AGFG1: variants seen among roughly 807,000 people sequenced by gnomAD.
AGFG1 encodes arf-GAP domain and FG repeat-containing protein 1.
Under a neutral mutation model 60.6 loss-of-function variants are expected in AGFG1, and 10 were observed. The observed-to-expected ratio is 0.16, with a 90% CI of 0.10 to 0.28. The LOEUF (loss-of-function observed/expected upper bound fraction) is 0.28. AGFG1 is among the 10% of genes least tolerant of loss of function. The pLI, the probability that AGFG1 is intolerant of heterozygous loss-of-function variation, is 1.00. For missense variants in AGFG1, 537 were observed against 676.5 expected, an observed-to-expected ratio of 0.79 and a Z score of 2.29; for synonymous variants, 247 against 242.9, an observed-to-expected ratio of 1.02 and a Z score of -0.16.
At chr2:227,546,051 G>A (rs1232877093) in intron 10 of AGFG1, among the ~76,000 whole-genome samples, 1 of 152,246 alleles carries the variant, frequency 6.6e-6, no homozygotes, top group Non-Finnish European at 1.5e-5. Flanking sequence ...GTCTCCAGAA[G>A]TTTCTGCTGC....
At chr2:227,542,611 T>G (rs1057317908) in intron 10 of AGFG1, among the ~76,000 whole-genome samples, 1 of 152,256 alleles carries the variant, frequency 6.6e-6, no homozygotes, top group African/African-American at 2.4e-5. Context: ...GATATTGGTC[T>G]AAAATTCTCT....
intron 1 of AGFG1, among the ~76,000 whole-genome samples, chr2:227,480,978 GTCTT>G (rs1170557632): frequency 6.6e-6 from 1 of 151,884 alleles, no homozygotes; most frequent in Non-Finnish European, 1.5e-5. Flanking sequence ...TTATTACTGA[GTCTT>G]TCTGACCCAC....
At chr2:227,473,944 C>T (rs530985416) in intron 1 of AGFG1, among the ~76,000 whole-genome samples, 30 of 152,276 alleles carry the variant, frequency 2.0e-4, no homozygotes, top group African/African-American at 6.7e-4. Flanking sequence ...TTGGTTCTTA[C>T]AGTCCAGTGG....
In AGFG1 at chr2:227,557,903, A is replaced by G. The variant is rs1693021094; in HGVS notation, c.*3408A>G. 1 of 152,238 alleles carries G rather than the reference A, an allele frequency of 6.6e-6. No homozygotes were observed. The highest frequency in any genetic ancestry group is 2.4e-5 in the African/African-American group (1 of 41,466). The allele number at this position is 152,238 out of a possible 1,614,324, so 9.4% of individuals were successfully genotyped here. On this transcript the variant is annotated 3_prime_UTR_variant, in exon 13 of 13. Transcript: ENST00000310078. ...TGACTTTTCACAGCCTTTCAAAGAA[A>G]GGGTTGTAGGGACCATTAAGGGTCT...
chr2:227,544,207 T>C (rs2106235239), intron 10 of AGFG1, among the ~76,000 whole-genome samples: 1 of 134,838 alleles, frequency 7.4e-6, no homozygotes, highest in East Asian at 2.3e-4. Flanking sequence ...CAGCCTGGAG[T>C]GCAGTGGCGC....
chr2:227,475,465 T>C (rs1690253904), intron 1 of AGFG1, among the ~76,000 whole-genome samples: 1 of 152,192 alleles, frequency 6.6e-6, no homozygotes, highest in Admixed American at 6.5e-5. Context: ...CCATCAAATG[T>C]CTACTGCAGA....
At chr2:227,523,377 T>C (rs1056384886) in intron 3 of AGFG1, among the ~76,000 whole-genome samples, 1 of 152,208 alleles carries the variant, frequency 6.6e-6, no homozygotes, top group Non-Finnish European at 1.5e-5. Flanking sequence ...ACCTCATCTT[T>C]CTTCAAATGT....
chr2:227,523,619 T>A, intron 3 of AGFG1, 144 bp from the exon 4 acceptor site: 1 of 730,170 alleles, frequency 1.4e-6, no homozygotes, highest in Non-Finnish European at 2.1e-6. Context: ...TTTTAAAAAA[T>A]ATGCAAAGTT....
Position 227,472,596 on chromosome 2 carries a change from C to T in AGFG1, c.167+8C>T. On this transcript the variant is annotated splice_region_variant and intron_variant, in intron 1 of 12. Transcript: ENST00000310078. ...CTCCTGCTCCGGCAGCCTGTGAGTG[C>T]GGGGCGGCCGGGCGGGTGTCGGGCC... is the stretch of plus-strand genomic sequence containing the variant. 2 of 1,548,376 alleles carry T rather than the reference C, an allele frequency of 1.3e-6. No homozygotes were observed. Among genetic ancestry groups the T allele is most frequent in the Non-Finnish European group, 1.7e-6 (2 of 1,144,966 alleles).
At chr2:227,539,548 G>C (rs993915225) in intron 10 of AGFG1, among the ~76,000 whole-genome samples, 3 of 151,742 alleles carry the variant, frequency 2.0e-5, no homozygotes, top group Non-Finnish European at 4.4e-5. Flanking sequence ...TGAAGCCCAG[G>C]AGTTTTGAGA....
chr2:227,472,590 T>C lies in AGFG1; in HGVS notation c.167+2T>C, dbSNP rs1690125360. The C allele has an allele frequency of 7.0e-6, 11 of 1,568,592 alleles. No individual in the cohort carries two copies. Among genetic ancestry groups the C allele is most frequent in the Non-Finnish European group, 9.5e-6 (11 of 1,157,226 alleles). ...GTGTACCTCCTGCTCCGGCAGCCTG[T>C]GAGTGCGGGGCGGCCGGGCGGGTGT... is the stretch of plus-strand genomic sequence containing the variant. On this transcript the variant is annotated splice_donor_variant, in intron 1 of 12. Transcript: ENST00000310078. LOFTEE classifies it high-confidence loss of function.
chr2:227,535,905 G>A (rs900325071), intron 8 of AGFG1, among the ~76,000 whole-genome samples: 2 of 152,024 alleles, frequency 1.3e-5, no homozygotes, highest in Non-Finnish European at 2.9e-5. Context: ...CCTTTCATGG[G>A]GTCTGTGAGG....
rs538606382 is a variant in AGFG1 at position 227,511,796 on chromosome 2, C to T, written c.262-8152C>T. On this transcript the variant is annotated intron_variant, in intron 2 of 12. Transcript: ENST00000310078. ...AGGAGGTTCCTGCCTCATGACATAG[C>T]ATTTAAAAATTATGAGATAAAGGTA... 7.9e-5 allele frequency among the ~76,000 whole-genome samples: 12 copies of T among 152,232 alleles called. No homozygotes were observed. In the South Asian group the frequency reaches 1.0e-3, roughly 13 times the overall value.
At chr2:227,503,707 C>A (rs1220425574) in intron 2 of AGFG1, among the ~76,000 whole-genome samples, 1 of 152,202 alleles carries the variant, frequency 6.6e-6, no homozygotes, top group African/African-American at 2.4e-5. Context: ...ATCTGAGTGT[C>A]ACTGTGGTGG....
chr2:227,540,654 G>GTAC (rs1692464026), intron 10 of AGFG1, among the ~76,000 whole-genome samples: 1 of 152,032 alleles, frequency 6.6e-6, no homozygotes, highest in South Asian at 2.1e-4. Flanking sequence ...CGCAGTAAAC[G>GTAC]TACGTGTGCA....
At chr2:227,484,781 G>A (rs1307457544) in intron 1 of AGFG1, among the ~76,000 whole-genome samples, 1 of 140,534 alleles carries the variant, frequency 7.1e-6, no homozygotes, top group Non-Finnish European at 1.5e-5. Flanking sequence ...TTGGCTCACT[G>A]TAACCTCTGC....
chr2:227,536,725 C>T (rs750192995), intron 9 of AGFG1, 21 bp downstream of exon 9: 4 of 1,611,566 alleles, frequency 2.5e-6, no homozygotes, highest in African/African-American at 2.7e-5. Context: ...CTGGTATATA[C>T]ACTGGTTTTT....
rs1304971596 is a variant in AGFG1 at position 227,556,043 on chromosome 2, C to T, written c.*1548C>T. ...AAGGACCGCTACCCAGCCTAGAGGA[C>T]ATCACTATACTACATCATCTGATGA... is the stretch of plus-strand genomic sequence containing the variant. On this transcript the variant is annotated 3_prime_UTR_variant, in exon 13 of 13. Coordinates refer to ENST00000310078, the MANE Select transcript of AGFG1 (RefSeq NM_004504.5). The T allele has an allele frequency of 6.6e-6, 1 of 152,226 alleles. No homozygotes were observed. The highest frequency in any genetic ancestry group is 1.5e-5 in the Non-Finnish European group (1 of 68,048). The allele number at this position is 152,226 out of a possible 1,614,324, so 9.4% of individuals were successfully genotyped here.
Position 227,552,013 on chromosome 2 carries a change from CTCCCTACAGTCT to C in AGFG1, c.1438_1449del (p.Tyr480_Pro483del), listed in dbSNP as rs1261400727. ...ATGCCCACAGGATTCGGCACTCCTG[CTCCCTACAGTCT>C]TCCCACCAGCTTTAGTGGCAGCTTT... On this transcript the variant is annotated inframe_deletion, in exon 11 of 13. Coordinates refer to ENST00000310078, the MANE Select transcript of AGFG1 (RefSeq NM_004504.5). 1 of 1,614,088 alleles carries C rather than the reference CTCCCTACAGTCT, an allele frequency of 6.2e-7. No homozygotes were observed. Among genetic ancestry groups the C allele is most frequent in the African/African-American group, 1.3e-5 (1 of 74,932 alleles).
Sources: allele counts gnomAD v4.1 joint callset (sites outside exome capture counted in the v4.1 genomes callset), GRCh38; gene constraint gnomAD v4.1.1; transcripts MANE v1.5; gene names NCBI Gene and HGNC (gene_info 2026-07-23, HGNC 2026-07-21).